The following ZNF541 variants were observed in gnomAD, a reference collection of about 807,000 sequenced individuals.
The protein encoded by ZNF541 is zinc finger protein 541.
Under a neutral mutation model 123.5 loss-of-function variants are expected in ZNF541, and 23 were observed. The observed-to-expected ratio is 0.19, with a 90% CI of 0.13 to 0.26. The LOEUF (loss-of-function observed/expected upper bound fraction) is 0.26. Among genes scored for constraint, ZNF541 ranks in the 10% least tolerant of loss-of-function variants. The pLI is 1.00. For missense variants in ZNF541, 1,612 were observed against 1,789.9 expected, an observed-to-expected ratio of 0.90 and a Z score of 1.79; for synonymous variants, 751 against 754.5, an observed-to-expected ratio of 1.00 and a Z score of 0.08.
chr19:47,567,172 C>T (rs1394566591), intron 2 of ZNF541, among the ~76,000 whole-genome samples: 1 of 152,136 alleles, frequency 6.6e-6, no homozygotes, highest in East Asian at 1.9e-4. Context: ...CCCAATACTG[C>T]AGTCTTTAGC....
At chr19:47,546,940 G>A (rs1444909469) in intron 4 of ZNF541, among the ~76,000 whole-genome samples, 1 of 152,094 alleles carries the variant, frequency 6.6e-6, no homozygotes, top group Non-Finnish European at 1.5e-5. Flanking sequence ...AGCTGGTCTC[G>A]AACTCCTGAC....
chr19:47,571,007 T>C (rs567418910), intron 2 of ZNF541, among the ~76,000 whole-genome samples: 5 of 151,336 alleles, frequency 3.3e-5, no homozygotes, highest in Admixed American at 6.6e-5. Context: ...AAGTCCTGCA[T>C]GTCCACATAC....
At position 47,545,025 on chromosome 19, in the gene ZNF541, T is replaced by TG; in HGVS notation, c.1503dup (p.Lys502GlnfsTer183). ...GAGTCGCAGTCGACCTTGACCTTCT[T>TG]GGGGGCGCAGGGGTCATCTTCCCCG... On this transcript the variant is annotated frameshift_variant, in exon 5 of 17. Coordinates refer to ENST00000391901, the MANE Select transcript of ZNF541 (RefSeq NM_001277075.3). LOFTEE classifies it high-confidence loss of function. This position sits in a 1 kb window ranked among gnomAD's most constrained non-coding sequence, Gnocchi z 7.5. The TG allele has an allele frequency of 1.3e-6, 2 of 1,500,772 alleles. No individual in the cohort carries two copies. The highest frequency in any genetic ancestry group is 1.8e-6 in the Non-Finnish European group (2 of 1,129,918). The allele number at this position is 1,500,772 out of a possible 1,614,324, so 93.0% of individuals were successfully genotyped here.
intron 3 of ZNF541, among the ~76,000 whole-genome samples, chr19:47,553,898 A>G (rs1277771985): frequency 1.3e-5 from 2 of 152,188 alleles, no homozygotes; most frequent in Non-Finnish European, 2.9e-5. Flanking sequence ...GAAAATATTC[A>G]AAGAACTAAT....
rs57243927 is a variant in ZNF541 at position 47,533,359 on chromosome 19, C to CAA, written c.3095-389_3095-388dup. ...TGGGCGACAGAGCGAGACTCCATCT[C>CAA]AAAAAAAAAAAAAAAAAAAAAAAAA... On this transcript the variant is annotated intron_variant, in intron 9 of 16. Coordinates refer to ENST00000391901, the MANE Select transcript of ZNF541 (RefSeq NM_001277075.3). Among the ~76,000 whole-genome samples the CAA allele has an allele frequency of 1.1e-3, 20 of 18,754 alleles. 4 individuals carry two copies. Among genetic ancestry groups the CAA allele is most frequent in the East Asian group, 5.0e-3 (2 of 402 alleles). The allele number at this position is 18,754 out of a possible 152,430, so 12.3% of individuals were successfully genotyped here. A position where few individuals can be genotyped will look rare whatever the true frequency, so the allele number is the denominator to read the frequency against.
chr19:47,544,529 G>A lies in ZNF541; in HGVS notation c.2000C>T (p.Pro667Leu). The change falls in exon 5 of 17, where the codon CCT becomes CTT. Residue 667 changes from proline to leucine, a missense_variant. Transcript: ENST00000391901. ...PTPLAAPSLD[P>L]SRNPDISSLA... ...AGAAGAGATGTCTGGATTCCTGGAA[G>A]GGTCCAGAGACGGTGCTGCAAGGGG... The A allele has an allele frequency of 1.3e-6, 2 of 1,551,648 alleles. No individual in the cohort carries two copies. The highest frequency in any genetic ancestry group is 8.7e-7 in the Non-Finnish European group (1 of 1,147,006).
chr19:47,525,430 T>C (rs1023004181), intron 14 of ZNF541, among the ~76,000 whole-genome samples: 2 of 152,186 alleles, frequency 1.3e-5, no homozygotes, highest in Non-Finnish European at 2.9e-5. Flanking sequence ...CATATGGTAA[T>C]ACATGATCTT....
intron 2 of ZNF541, among the ~76,000 whole-genome samples, chr19:47,557,787 CA>C (rs1233438955): frequency 6.6e-6 from 1 of 151,432 alleles, no homozygotes; most frequent in Admixed American, 6.6e-5. Flanking sequence ...CTTTTACACA[CA>C]AGGCCTAAGA....
upstream of ZNF541, among the ~76,000 whole-genome samples, chr19:47,573,191 C>A (rs867745999): frequency 2.0e-5 from 3 of 150,114 alleles, no homozygotes; most frequent in Admixed American, 1.3e-4. Flanking sequence ...GCCCGGCCCA[C>A]CCCCGGATCT....
chr19:47,536,733 G>A (rs1194561015), intron 9 of ZNF541, among the ~76,000 whole-genome samples: 1 of 152,146 alleles, frequency 6.6e-6, no homozygotes, highest in Non-Finnish European at 1.5e-5. Flanking sequence ...ACTCCAGCCT[G>A]GGTGACAAGA....
At position 47,521,834 on chromosome 19, in the gene ZNF541, C is replaced by T; in HGVS notation, c.3711+20G>A. ...ACTGGGAGGAGAGAAGAGCTCCCGA[C>T]ACAGCCCTGGTTCCTCTACCTTTTC... On this transcript the variant is annotated intron_variant, in intron 15 of 16. Coordinates refer to ENST00000391901, the MANE Select transcript of ZNF541 (RefSeq NM_001277075.3). The surrounding 1 kb of genome is among the most constrained non-coding windows in gnomAD (Gnocchi z 4.2). The T allele has an allele frequency of 6.5e-7, 1 of 1,549,854 alleles. No homozygotes were observed. The highest frequency in any genetic ancestry group is 8.7e-7 in the Non-Finnish European group (1 of 1,145,840).
intron 9 of ZNF541, among the ~76,000 whole-genome samples, chr19:47,535,404 C>G (rs1008510069): frequency 1.3e-5 from 2 of 152,138 alleles, no homozygotes; most frequent in Admixed American, 6.6e-5. Context: ...AAAAGGACCA[C>G]TTTACACCTA....
chr19:47,542,317 C>T (rs769806791), intron 5 of ZNF541, among the ~76,000 whole-genome samples: 1 of 152,060 alleles, frequency 6.6e-6, no homozygotes, highest in Non-Finnish European at 1.5e-5. Flanking sequence ...GATGGTTGCA[C>T]GATCTTGTGA....
chr19:47,566,262 C>T (rs1038910888), intron 2 of ZNF541, among the ~76,000 whole-genome samples: 6 of 152,184 alleles, frequency 3.9e-5, no homozygotes, highest in Admixed American at 3.9e-4. Flanking sequence ...CTATGAAATG[C>T]TACGACCTTT....
intron 3 of ZNF541, among the ~76,000 whole-genome samples, chr19:47,550,797 C>T (rs932156434): frequency 3.9e-5 from 6 of 152,086 alleles, no homozygotes; most frequent in African/African-American, 4.8e-5. Flanking sequence ...CACGGGCCAC[C>T]ACCACTCCCA....
In ZNF541 at chr19:47,540,162, T is replaced by TCGTC; in HGVS notation, c.2622+10_2622+13dup. ...AACCCAGTAACCACCAAGCCACTGG[T>TCGTC]CGTCCCCCTTCACCTGCGGTTCCTG... On this transcript the variant is annotated intron_variant, in intron 7 of 16. Transcript: ENST00000391901. 6.5e-7 allele frequency: 1 copy of TCGTC among 1,547,174 alleles called. No homozygotes were observed.
At chr19:47,567,169 C>T (rs1971298413) in intron 2 of ZNF541, among the ~76,000 whole-genome samples, 1 of 152,274 alleles carries the variant, frequency 6.6e-6, no homozygotes, top group Non-Finnish European at 1.5e-5. Context: ...CTGCCCAATA[C>T]TGCAGTCTTT....
intron 2 of ZNF541, among the ~76,000 whole-genome samples, chr19:47,557,648 T>G (rs1213903851): frequency 6.6e-6 from 1 of 152,060 alleles, no homozygotes; most frequent in Non-Finnish European, 1.5e-5. Context: ...GAGACCAGCC[T>G]GGGCAAGACA....
rs1323331642 is a variant in ZNF541, at chr19:47,545,809, G to C, written c.720C>G (p.Pro240=). ...PPEEEACGDS[P]HAHESAGQPP... is the part of the protein sequence containing the mutation. ...GCTGGCCGGCCGACTCGTGGGCGTGGGGGGAGTCCCCGCAGGCCTCTTCCT... is the reference window on the plus strand; with the variant it reads ...GCTGGCCGGCCGACTCGTGGGCGTGCGGGGAGTCCCCGCAGGCCTCTTCCT... Residue 240 remains proline (P), a synonymous_variant, in exon 5 of 17, where the codon CCC becomes CCG. Coordinates refer to ENST00000391901, the MANE Select transcript of ZNF541 (RefSeq NM_001277075.3). The surrounding 1 kb of genome is among the most constrained non-coding windows in gnomAD (Gnocchi z 7.5). The C allele has an allele frequency of 2.6e-6, 4 of 1,545,862 alleles. No individual in the cohort carries two copies. Among genetic ancestry groups the C allele is most frequent in the Non-Finnish European group, 3.5e-6 (4 of 1,145,100 alleles).
Sources: gnomAD v4.1 joint callset for allele counts (sites outside exome capture counted in the v4.1 genomes callset) on GRCh38, gnomAD v4.1.1 for gene constraint, Gnocchi (gnomAD v3.1) non-coding constraint, MANE v1.5 for transcripts, NCBI Gene and HGNC (gene_info 2026-07-23, HGNC 2026-07-21) for gene names.